The following GALNT13 variants were observed in gnomAD, a reference collection of about 807,000 sequenced individuals.
The protein encoded by GALNT13 is UDP-GalNAc:polypeptide N-acetylgalactosaminyltransferase 13.
A neutral mutation model predicts 64.2 loss-of-function variants in GALNT13; 28 were observed. The observed-to-expected ratio is 0.44, with a 90% CI of 0.32 to 0.60. GALNT13 has a LOEUF of 0.60. Ranked by LOEUF, GALNT13 falls within the 20% of genes least tolerant of loss-of-function variation. GALNT13 has a pLI of 0.05. For synonymous variants in GALNT13, 214 were observed against 224.6 expected (o/e 0.95, Z 0.42); for missense variants, 577 against 669.8 (o/e 0.86, Z 1.53).
the GALNT13 span, among the ~76,000 whole-genome samples, chr2:153,081,432 T>C: frequency 1.2e-4 from 19 of 152,182 alleles, no homozygotes; most frequent in African/African-American, 4.1e-4. Flanking sequence ...CTAGTCACCT[T>C]ATTGTGCTAT....
the GALNT13 span, among the ~76,000 whole-genome samples, chr2:153,675,674 C>G: frequency 6.6e-6 from 1 of 152,000 alleles, no homozygotes; most frequent in Non-Finnish European, 1.5e-5. Context: ...CACATTTACC[C>G]TAGAACTTAA....
At chr2:153,501,438 T>A in the GALNT13 span, among the ~76,000 whole-genome samples, 1 of 152,124 alleles carries the variant, frequency 6.6e-6, no homozygotes, top group South Asian at 2.1e-4. Flanking sequence ...TACAAGCGAT[T>A]CTCCCACCTC....
At chr2:154,207,834 G>C (rs1217295107) in intron 4 of GALNT13, among the ~76,000 whole-genome samples, 1 of 152,076 alleles carries the variant, frequency 6.6e-6, no homozygotes, top group Non-Finnish European at 1.5e-5. Flanking sequence ...TGTCTCCTGA[G>C]GAGTCATTTT....
the GALNT13 span, among the ~76,000 whole-genome samples, chr2:153,733,920 A>T: frequency 6.6e-6 from 1 of 152,206 alleles, no homozygotes; most frequent in Non-Finnish European, 1.5e-5. Flanking sequence ...GTTCTTTCAG[A>T]TTGCTGAATT....
chr2:153,934,742 T>C (rs537413970), intron 2 of GALNT13, among the ~76,000 whole-genome samples: 1 of 152,314 alleles, frequency 6.6e-6, no homozygotes, highest in South Asian at 2.1e-4. Flanking sequence ...GTGGGTTGCA[T>C]TACAGAAAAA....
the GALNT13 span, among the ~76,000 whole-genome samples, chr2:153,413,182 T>C: frequency 2.0e-5 from 3 of 152,082 alleles, no homozygotes; most frequent in Non-Finnish European, 4.4e-5. Context: ...CTGGGAAATA[T>C]ACATCCTGAC....
chr2:153,917,778 T>C (rs534604257), intron 2 of GALNT13, among the ~76,000 whole-genome samples: 35 of 152,144 alleles, frequency 2.3e-4, no homozygotes, highest in African/African-American at 7.7e-4. Flanking sequence ...AGACACCCAA[T>C]TGAGCAGCCT....
chr2:154,303,323 G>A (rs1165735421), intron 9 of GALNT13, among the ~76,000 whole-genome samples: 4 of 152,048 alleles, frequency 2.6e-5, no homozygotes, highest in East Asian at 2.0e-4. Flanking sequence ...GATCAGGTGC[G>A]CCCTTTACAT....
At chr2:154,345,767 C>T (rs1391210671) in intron 9 of GALNT13, among the ~76,000 whole-genome samples, 1 of 151,950 alleles carries the variant, frequency 6.6e-6, no homozygotes, top group East Asian at 1.9e-4. Context: ...ACTATAGGCT[C>T]AGGTACAAAT....
chr2:154,261,821 C>A lies in GALNT13; in HGVS notation c.975+2683C>A, dbSNP rs1690714521. Among the ~76,000 whole-genome samples the A allele has an allele frequency of 2.0e-5, 3 of 151,972 alleles. No homozygotes were observed. In the South Asian group the frequency reaches 6.2e-4, roughly 32 times the overall value. ...TGAGTATAGGTGAACATAAACTCAA[C>A]TGTAAAAAGGTGATTATAATAATAG... On this transcript the variant is annotated intron_variant, in intron 8 of 12. Coordinates refer to ENST00000392825, the MANE Select transcript of GALNT13 (RefSeq NM_052917.4).
At position 154,011,457 on chromosome 2, in the gene GALNT13, T is replaced by C. The variant is rs562843451; in HGVS notation, c.142+66818T>C. ...TGTGGTTGGTATGATTTCAGCTTTT[T>C]TGAATTTGCTGAGAATTGTTTCATG... On this transcript the variant is annotated intron_variant, in intron 3 of 12. Coordinates refer to ENST00000392825, the MANE Select transcript of GALNT13 (RefSeq NM_052917.4). 2.6e-5 allele frequency among the ~76,000 whole-genome samples: 4 copies of C among 152,330 alleles called. No homozygotes were observed. In the East Asian group the frequency reaches 5.8e-4, roughly 22 times the overall value.
At chr2:153,390,495 G>T in the GALNT13 span, among the ~76,000 whole-genome samples, 1 of 151,896 alleles carries the variant, frequency 6.6e-6, no homozygotes, top group Admixed American at 6.6e-5. Flanking sequence ...AAAACACATT[G>T]GAAATGATAA....
chr2:153,503,407 C>G, the GALNT13 span, among the ~76,000 whole-genome samples: 1 of 152,036 alleles, frequency 6.6e-6, no homozygotes, highest in African/African-American at 2.4e-5. Context: ...GTTCTCTATT[C>G]TGTTCCATTT....
chr2:153,301,309 C>CAAAAAAAAAAAAA, the GALNT13 span, among the ~76,000 whole-genome samples: 233 of 76,320 alleles, frequency 3.1e-3, 16 homozygotes, highest in East Asian at 0.023. Context: ...GACTCCTTCT[C>CAAAAAAAAAAAAA]AAAAAAAAAG....
Position 154,394,077 on chromosome 2 carries a change from CAAAAAAAAAAAAAAA to C in GALNT13, c.1157-1901_1157-1887del, listed in dbSNP as rs369267777. Among the ~76,000 whole-genome samples, 6 of 32,008 alleles carry C rather than the reference CAAAAAAAAAAAAAAA, an allele frequency of 1.9e-4. No individual in the cohort carries two copies. The South Asian group carries it at 7.1e-3, about 38-fold the overall frequency. The allele number at this position is 32,008 out of a possible 152,430, so 21.0% of individuals were successfully genotyped here. ...TGGGCGACAGAGCGAGACTCCGTCT[CAAAAAAAAAAAAAAA>C]AAAAAAAAAAAAGGTATGCAAATGA... On this transcript the variant is annotated intron_variant, in intron 9 of 12. Transcript: ENST00000392825.
chr2:153,923,982 A>G (rs1368559081), intron 2 of GALNT13, among the ~76,000 whole-genome samples: 1 of 152,024 alleles, frequency 6.6e-6, no homozygotes, highest in African/African-American at 2.4e-5. Flanking sequence ...GCTATTGTGA[A>G]TAGTGCCACA....
the GALNT13 span, among the ~76,000 whole-genome samples, chr2:153,197,529 C>T: frequency 1.3e-5 from 2 of 152,238 alleles, no homozygotes; most frequent in African/African-American, 2.4e-5. Context: ...TATGTTTGTG[C>T]ACTGGGACTG....
the GALNT13 span, among the ~76,000 whole-genome samples, chr2:153,078,300 T>C: frequency 6.6e-6 from 1 of 151,472 alleles, no homozygotes; most frequent in African/African-American, 2.4e-5. Flanking sequence ...AAAGAATTGA[T>C]AGTTCTTCCT....
At chr2:154,019,351 A>T (rs1200090384) in intron 3 of GALNT13, among the ~76,000 whole-genome samples, 1 of 152,080 alleles carries the variant, frequency 6.6e-6, no homozygotes, top group African/African-American at 2.4e-5. Flanking sequence ...AAATACATAC[A>T]TGGCCAGGCA....
Sources: gnomAD v4.1 joint callset for allele counts (sites outside exome capture counted in the v4.1 genomes callset) on GRCh38, gnomAD v4.1.1 for gene constraint, MANE v1.5 for transcripts, NCBI Gene and HGNC (gene_info 2026-07-23, HGNC 2026-07-21) for gene names.